PLEKHA6: variants seen among roughly 807,000 people sequenced by gnomAD.
PLEKHA6 encodes pleckstrin homology domain-containing family A member 6.
A neutral mutation model predicts 116.7 loss-of-function variants in PLEKHA6; 60 were observed. The ratio of observed to expected loss-of-function variants is 0.51; its 90% CI spans 0.42 to 0.64. The LOEUF (loss-of-function observed/expected upper bound fraction) is 0.64. PLEKHA6 is among the 30% of genes least tolerant of loss of function. PLEKHA6 has a pLI of 0.00. For missense variants in PLEKHA6, 1,338 were observed against 1,422.7 expected (o/e 0.94, Z 0.96); for synonymous variants, 489 against 556.1 (o/e 0.88, Z 1.70).
At chr1:204,341,887 T>A (rs1471110557) in intron 1 of PLEKHA6, among the ~76,000 whole-genome samples, 1 of 152,198 alleles carries the variant, frequency 6.6e-6, no homozygotes, top group Non-Finnish European at 1.5e-5. Context: ...CAATCTATAT[T>A]TTTTTAAATG....
At chr1:204,296,669 A>G (rs979144504) in intron 1 of PLEKHA6, among the ~76,000 whole-genome samples, 6 of 152,142 alleles carry the variant, frequency 3.9e-5, no homozygotes, top group African/African-American at 1.4e-4. Flanking sequence ...GCTCTGTGTT[A>G]CAGAAATAGT....
chr1:204,264,103 C>A (rs1666489131), intron 6 of PLEKHA6, among the ~76,000 whole-genome samples: 1 of 152,066 alleles, frequency 6.6e-6, no homozygotes, highest in Admixed American at 6.5e-5. Context: ...TCTTGGACAG[C>A]AATTGTCAAT....
intron 1 of PLEKHA6, among the ~76,000 whole-genome samples, chr1:204,341,211 G>A (rs2103314941): frequency 6.6e-6 from 1 of 152,338 alleles, no homozygotes; most frequent in Non-Finnish European, 1.5e-5. Flanking sequence ...GAGATTATCT[G>A]GCCCAGTGGT....
chr1:204,243,923 C>T (rs1366498881), intron 15 of PLEKHA6, among the ~76,000 whole-genome samples: 1 of 152,254 alleles, frequency 6.6e-6, no homozygotes, highest in East Asian at 1.9e-4. Context: ...TGGGTTCACG[C>T]CATTCTCCTG....
Position 204,247,464 on chromosome 1 carries a change from C to T in PLEKHA6, c.1825-4G>A, listed in dbSNP as rs149581993. The T allele has an allele frequency of 4.7e-4, 753 of 1,598,676 alleles. No individual in the cohort carries two copies. The highest frequency in any genetic ancestry group is 4.3e-3 in the African/African-American group (319 of 74,620). On this transcript the variant is annotated splice_region_variant and splice_polypyrimidine_tract_variant and intron_variant, in intron 12 of 22. Transcript: ENST00000272203. ...CTATGGTGCTGTTTGTCAGGGCCTA[C>T]GGGGGAAAGAGGCGTTCACTGAGAA...
intron 10 of PLEKHA6, among the ~76,000 whole-genome samples, chr1:204,249,764 G>A (rs1433583031): frequency 6.6e-6 from 1 of 152,130 alleles, no homozygotes; most frequent in Non-Finnish European, 1.5e-5. Flanking sequence ...GTCTAGTCCT[G>A]TCAGGAAGGA....
chr1:204,301,600 T>C (rs1402660409), intron 1 of PLEKHA6: 1 of 326,786 alleles, frequency 3.1e-6, no homozygotes, highest in Non-Finnish European at 4.4e-6. Context: ...AGGGGATAAA[T>C]GACAGAGCTG....
intron 1 of PLEKHA6, 47 bp from the exon 2 acceptor site, chr1:204,274,856 G>A (rs1180478061): frequency 1.5e-5 from 15 of 985,790 alleles, no homozygotes; most frequent in Non-Finnish European, 1.8e-5. Flanking sequence ...GAAGAAGGCA[G>A]AGACAAAAGC....
At position 204,329,422 on chromosome 1, in the gene PLEKHA6, A is replaced by G. The variant is rs76419043; in HGVS notation, c.-95+30272T>C. The stretch of plus-strand genomic sequence containing the variant: ...CAGAGAAGGGCCTCTTTCCAAAGCA[A>G]AAGATCGCTTACTGTGAGATCAAAG... On this transcript the variant is annotated intron_variant, in intron 1 of 22. Transcript: ENST00000272203. 8.5e-5 allele frequency among the ~76,000 whole-genome samples: 13 copies of G among 152,326 alleles called. No individual in the cohort carries two copies. In the East Asian group the frequency reaches 2.5e-3, roughly 29 times the overall value.
At position 204,241,379 on chromosome 1, in the gene PLEKHA6, G is replaced by C; in HGVS notation, c.2405C>G (p.Ser802Cys). 2 of 1,602,522 alleles carry C rather than the reference G, an allele frequency of 1.2e-6. No individual in the cohort carries two copies. The highest frequency in any genetic ancestry group is 1.7e-6 in the Non-Finnish European group (2 of 1,171,118). Residue 802 changes from serine (S) to cysteine (C), a missense_variant, in exon 17 of 23, where the codon TCC (serine) becomes TGC (cysteine). By Grantham distance (112) the Ser-to-Cys change is moderately radical (BLOSUM62 -1). Transcript: ENST00000272203. ...TGAGCTTGCAGAGGTACCCACCTGG[G>C]AGGAGAGTCCATTGGTGAGCCCACT... ...NASGLTNGLS[S>C]QERPKSAVFP... is the part of the protein sequence containing the mutation.
intron 6 of PLEKHA6, among the ~76,000 whole-genome samples, chr1:204,264,696 G>A (rs1486605881): frequency 6.6e-6 from 1 of 152,156 alleles, no homozygotes; most frequent in African/African-American, 2.4e-5. Flanking sequence ...ACTCTTAGGA[G>A]AATTGCCCAC....
At chr1:204,282,869 G>A in intron 1 of PLEKHA6, 1 of 919,974 alleles carries the variant, frequency 1.1e-6, no homozygotes, top group Non-Finnish European at 1.3e-6. Flanking sequence ...CCTCCTCTCA[G>A]CCTTTCCTCA....
rs1004194800 is a variant in PLEKHA6, at chr1:204,245,644, G to T, written c.2003C>A (p.Ser668Tyr). 8 of 1,613,142 alleles carry T rather than the reference G, an allele frequency of 5.0e-6. No individual in the cohort carries two copies. Among genetic ancestry groups the T allele is most frequent in the Non-Finnish European group, 6.8e-6 (8 of 1,179,306 alleles). Residue 668 changes from serine (S) to tyrosine (Y), a missense_variant, in exon 14 of 23, where the codon TCC (serine) becomes TAC (tyrosine). By Grantham distance (144) the Ser-to-Tyr change is moderately radical (BLOSUM62 -2). Coordinates refer to ENST00000272203, the MANE Select transcript of PLEKHA6 (RefSeq NM_014935.5). Reference protein sequence around the residue: ...VMEGLRKNNPSRGTDTAKHRG... With the variant: ...VMEGLRKNNPYRGTDTAKHRG... ...GTGCTTGGCGGTGTCCGTGCCCCGG[G>T]AGGGGTTGTTCTTCCTCAGCCCCTC... is the stretch of plus-strand genomic sequence containing the variant.
chr1:204,289,518 C>T (rs1669534505), intron 1 of PLEKHA6, among the ~76,000 whole-genome samples: 1 of 152,212 alleles, frequency 6.6e-6, no homozygotes, highest in Non-Finnish European at 1.5e-5. Context: ...ATCTCCTGGG[C>T]TGCCTTCCTA....
chr1:204,329,342 C>G (rs1483390067), intron 1 of PLEKHA6, among the ~76,000 whole-genome samples: 1 of 152,208 alleles, frequency 6.6e-6, no homozygotes. Context: ...GAAGCCAGAA[C>G]AGGTGGGAGT....
At chr1:204,243,866 G>C (rs1299589428) in intron 15 of PLEKHA6, among the ~76,000 whole-genome samples, 1 of 152,002 alleles carries the variant, frequency 6.6e-6, no homozygotes, top group Non-Finnish European at 1.5e-5. Flanking sequence ...TGTCACCCAG[G>C]CTGAAGTGCA....
Position 204,223,941 on chromosome 1 carries a change from T to C in PLEKHA6, c.3032-356A>G, listed in dbSNP as rs1482235850. ...CAGACAGAACCAGGGAGTGGTACTTTATATACGGCAGTGTCACTAATGATA... is the reference window on the plus strand; with the variant it reads ...CAGACAGAACCAGGGAGTGGTACTTCATATACGGCAGTGTCACTAATGATA... On this transcript the variant is annotated intron_variant, in intron 21 of 22. Coordinates refer to ENST00000272203, the MANE Select transcript of PLEKHA6 (RefSeq NM_014935.5). This position sits in a 1 kb window ranked among gnomAD's most constrained non-coding sequence, Gnocchi z 4.8. Among the ~76,000 whole-genome samples, 1 of 152,218 alleles carries C rather than the reference T, an allele frequency of 6.6e-6. No homozygotes were observed. Among genetic ancestry groups the C allele is most frequent in the African/African-American group, 2.4e-5 (1 of 41,454 alleles).
intron 3 of PLEKHA6, among the ~76,000 whole-genome samples, chr1:204,365,178 G>A (rs1330703726): frequency 6.6e-6 from 1 of 152,114 alleles, no homozygotes; most frequent in Non-Finnish European, 1.5e-5. Context: ...AGGGGGGCGG[G>A]AGCGAGACTA....
At chr1:204,358,063 A>G (rs1019111553) in intron 1 of PLEKHA6, among the ~76,000 whole-genome samples, 7 of 152,206 alleles carry the variant, frequency 4.6e-5, no homozygotes, top group African/African-American at 1.7e-4. Context: ...AGCAAAAAAA[A>G]AGCAGGTGGG....
Sources: gnomAD v4.1 joint callset for allele counts (sites outside exome capture counted in the v4.1 genomes callset) on GRCh38, gnomAD v4.1.1 for gene constraint, Gnocchi (gnomAD v3.1) non-coding constraint, MANE v1.5 for transcripts, NCBI Gene and HGNC (gene_info 2026-07-23, HGNC 2026-07-21) for gene names.